SLC13A5: variants seen among roughly 807,000 people sequenced by gnomAD.
SLC13A5 encodes the protein Na(+)/citrate cotransporter.
Under a neutral mutation model 56.5 loss-of-function variants are expected in SLC13A5, and 25 were observed. That is an observed-to-expected ratio of 0.44 (90% CI 0.32 to 0.62). The LOEUF is 0.62. Among genes scored for constraint, SLC13A5 ranks in the 20% least tolerant of loss-of-function variants. SLC13A5 has a pLI of 0.04. For synonymous variants in SLC13A5, 307 were observed against 301.5 expected (o/e 1.02, Z -0.19); for missense variants, 649 against 737.8 (o/e 0.88, Z 1.39).
At chr17:6,689,517 G>A (rs553001856) in intron 10 of SLC13A5, 2 of 152,374 alleles carry the variant, frequency 1.3e-5, no homozygotes, top group Non-Finnish European at 2.9e-5. Flanking sequence ...AACCCTCGGT[G>A]CTCCCAGTTA....
intron 1 of SLC13A5, among the ~76,000 whole-genome samples, chr17:6,707,426 C>T (rs1973901364): frequency 6.6e-6 from 1 of 152,014 alleles, no homozygotes; most frequent in Non-Finnish European, 1.5e-5. Context: ...GTTCTTTCAT[C>T]TTCTCAAACC....
chr17:6,690,976 C>T, intron 9 of SLC13A5, 36 bp from the exon 10 acceptor site: 1 of 1,569,200 alleles, frequency 6.4e-7, no homozygotes, highest in African/African-American at 1.3e-5. Flanking sequence ...TCTCAGCGCT[C>T]CCAGCTTGCA....
At chr17:6,691,622 G>A (rs1216529611) in intron 9 of SLC13A5, among the ~76,000 whole-genome samples, 1 of 152,186 alleles carries the variant, frequency 6.6e-6, no homozygotes. Context: ...GTCTGAGTCC[G>A]AAGTAAAGCT....
intron 9 of SLC13A5, 115 bp from the exon 10 acceptor site, chr17:6,691,055 G>GC: frequency 8.8e-7 from 1 of 1,140,996 alleles, no homozygotes; most frequent in South Asian, 1.6e-5. Flanking sequence ...CACCTCATAG[G>GC]TGACCTCATC....
At chr17:6,706,259 A>G (rs1221149773) in intron 3 of SLC13A5, among the ~76,000 whole-genome samples, 1 of 152,224 alleles carries the variant, frequency 6.6e-6, no homozygotes, top group African/African-American at 2.4e-5. Context: ...CTGCTTCCCC[A>G]TGAGCTGGGT....
At chr17:6,708,406 CG>C (rs1391240117) in intron 1 of SLC13A5, among the ~76,000 whole-genome samples, 1 of 152,208 alleles carries the variant, frequency 6.6e-6, no homozygotes, top group African/African-American at 2.4e-5. Flanking sequence ...ACAACCAGTG[CG>C]TGACTCGAAA....
chr17:6,686,361 A>C (rs1251323624), intron 11 of SLC13A5, 23 bp from the exon 12 acceptor site: 30 of 1,613,622 alleles, frequency 1.9e-5, no homozygotes, highest in Non-Finnish European at 2.5e-5. Context: ...CAGAGTCAGC[A>C]CCCTGAGGCC....
rs1973878687 is a variant in SLC13A5, at chr17:6,706,784, G to A, written c.232-6C>T. 1.2e-6 allele frequency: 2 copies of A among 1,613,952 alleles called. No homozygotes were observed. Among genetic ancestry groups the A allele is most frequent in the East Asian group, 4.5e-5 (2 of 44,874 alleles). Reference sequence around the variant, plus strand: ...TTCATGTACTGGACACACACCTGGAGCGTGGCACGAAGGCCTCATCAGGAC... The same window carrying A: ...TTCATGTACTGGACACACACCTGGAACGTGGCACGAAGGCCTCATCAGGAC... On this transcript the variant is annotated splice_region_variant and splice_polypyrimidine_tract_variant and intron_variant, in intron 2 of 11. Transcript: ENST00000433363.
At position 6,692,872 on chromosome 17, in the gene SLC13A5, G is replaced by A. The variant is rs921272931; in HGVS notation, c.1275+172C>T. ...TTACTTTCTGTCTTCCAGGCCCTGT[G>A]TGTGGTGTAGAGTTCCTAGATGACA... On this transcript the variant is annotated intron_variant, in intron 9 of 11. Transcript: ENST00000433363. The surrounding 1 kb of genome is among the most constrained non-coding windows in gnomAD (Gnocchi z 5.5). 1.3e-5 allele frequency: 8 copies of A among 612,570 alleles called. No homozygotes were observed. The highest frequency in any genetic ancestry group is 2.3e-5 in the Non-Finnish European group (8 of 341,640). 37.9% of individuals were successfully genotyped at this position (612,570 alleles called of 1,614,324 possible). A position where few individuals can be genotyped will look rare whatever the true frequency, so the allele number is the denominator to read the frequency against.
At position 6,693,090 on chromosome 17, in the gene SLC13A5, A is replaced by G. The variant is rs1480728207; in HGVS notation, c.1229T>C (p.Ile410Thr). 6.2e-7 allele frequency: 1 copy of G among 1,613,946 alleles called. No individual in the cohort carries two copies. The highest frequency in any genetic ancestry group is 1.3e-5 in the African/African-American group (1 of 74,982). The change falls in exon 9 of 12, where the codon ATC becomes ACC. Residue 410 changes from isoleucine (I) to threonine (T), a missense_variant. Ile to Thr is a moderately conservative substitution (Grantham distance 89). Coordinates refer to ENST00000433363, the MANE Select transcript of SLC13A5 (RefSeq NM_177550.5). ...KVTQEKVPWG[I>T]VLLLGGGFAL... ...AAATCCGCCCCCTAGTAGCAGCACG[A>G]TGCCCCAGGGCACTTTCTCCTGGGT... is the stretch of plus-strand genomic sequence containing the variant.
chr17:6,686,481 G>C (rs1310200204), intron 11 of SLC13A5, 143 bp from the exon 12 acceptor site: 12 of 987,320 alleles, frequency 1.2e-5, no homozygotes, highest in Non-Finnish European at 1.8e-5. Flanking sequence ...CCCCAGGACA[G>C]TGCGACTTCA....
At chr17:6,700,651 C>G (rs879518814) in intron 6 of SLC13A5, among the ~76,000 whole-genome samples, 3 of 152,098 alleles carry the variant, frequency 2.0e-5, no homozygotes, top group Admixed American at 6.5e-5. Flanking sequence ...TCAAAGTCAC[C>G]GGAAGCCAAA....
intron 3 of SLC13A5, chr17:6,705,247 C>T (rs940540703): frequency 2.0e-5 from 3 of 152,166 alleles, no homozygotes; most frequent in Non-Finnish European, 4.4e-5. Context: ...AGAACCAAGG[C>T]TTCTACATGA....
In SLC13A5 at chr17:6,713,112, C is replaced by T; in HGVS notation, c.102+120G>A. On this transcript the variant is annotated intron_variant, in intron 1 of 11. Coordinates refer to ENST00000433363, the MANE Select transcript of SLC13A5 (RefSeq NM_177550.5). The surrounding 1 kb of genome is among the most constrained non-coding windows in gnomAD (Gnocchi z 7.3). ...CCTGGAGCTCCTGAGTGCGCGCGCCCCGGGAGAGCTGTGCTCCCCGCGAAA... is the reference window on the plus strand; with the variant it reads ...CCTGGAGCTCCTGAGTGCGCGCGCCTCGGGAGAGCTGTGCTCCCCGCGAAA... 2.0e-6 allele frequency: 2 copies of T among 1,007,932 alleles called. No individual in the cohort carries two copies. The highest frequency in any genetic ancestry group is 2.9e-6 in the Non-Finnish European group (2 of 678,234). The allele number at this position is 1,007,932 out of a possible 1,614,324, so 62.4% of individuals were successfully genotyped here.
rs1249627171 is a variant in SLC13A5, at chr17:6,692,665, C to T, written c.1275+379G>A. Among the ~76,000 whole-genome samples the T allele has an allele frequency of 1.3e-5, 2 of 152,150 alleles. No homozygotes were observed. The highest frequency in any genetic ancestry group is 2.9e-5 in the Non-Finnish European group (2 of 68,030). On this transcript the variant is annotated intron_variant, in intron 9 of 11. Coordinates refer to ENST00000433363, the MANE Select transcript of SLC13A5 (RefSeq NM_177550.5). This position sits in a 1 kb window ranked among gnomAD's most constrained non-coding sequence, Gnocchi z 5.5. Reference sequence around the variant, plus strand: ...TTGAAGTAGCTACCATGTTAAGTAGCCAGTAGAAGGACCAAAAGTAGTAGC... The same window carrying T: ...TTGAAGTAGCTACCATGTTAAGTAGTCAGTAGAAGGACCAAAAGTAGTAGC...
At chr17:6,700,929 T>C in intron 6 of SLC13A5, 75 bp downstream of exon 6, 10 of 1,597,452 alleles carry the variant, frequency 6.3e-6, no homozygotes, top group Non-Finnish European at 8.5e-6. Context: ...TAAACCTGCC[T>C]ATTGAGTCTG....
chr17:6,693,961 G>C (rs1973486344), intron 8 of SLC13A5, 136 bp downstream of exon 8: 1 of 453,288 alleles, frequency 2.2e-6, no homozygotes, highest in East Asian at 3.5e-5. Flanking sequence ...GAAAGCCACT[G>C]TTTCCCAGGC....
rs1973252376 is a variant in SLC13A5, at chr17:6,686,347, G to C, written c.1576-9C>G. 1 of 1,613,890 alleles carries C rather than the reference G, an allele frequency of 6.2e-7. No homozygotes were observed. Among genetic ancestry groups the C allele is most frequent in the Non-Finnish European group, 8.5e-7 (1 of 1,179,950 alleles). The stretch of plus-strand genomic sequence containing the variant: ...ATGACTCCTGTTTTCACCTGGAAAA[G>C]AGACAGAGTCAGCACCCTGAGGCCT... On this transcript the variant is annotated splice_polypyrimidine_tract_variant and intron_variant, in intron 11 of 11. Coordinates refer to ENST00000433363, the MANE Select transcript of SLC13A5 (RefSeq NM_177550.5).
At position 6,702,994 on chromosome 17, in the gene SLC13A5, A is replaced by G. The variant is rs202177854; in HGVS notation, c.692T>C (p.Val231Ala). The stretch of plus-strand genomic sequence containing the variant: ...CTCGTTCATCTGGCCCAGGAGCACC[A>G]CGTTGGGTCCCGTCCCGGTCAGGGT... ...TATLTGTGPN[V>A]VLLGQMNELF... Residue 231 changes from valine (V) to alanine (A), a missense_variant, in exon 5 of 12, where the codon GTG (valine) becomes GCG (alanine). By Grantham distance (64) the Val-to-Ala change is moderately conservative. Transcript: ENST00000433363. 1.2e-6 allele frequency: 2 copies of G among 1,614,194 alleles called. No individual in the cohort carries two copies. The highest frequency in any genetic ancestry group is 2.2e-5 in the East Asian group (1 of 44,888).
Sources: allele counts gnomAD v4.1 joint callset (sites outside exome capture counted in the v4.1 genomes callset), GRCh38; gene constraint gnomAD v4.1.1; non-coding constraint Gnocchi (gnomAD v3.1); transcripts MANE v1.5; gene names NCBI Gene and HGNC (gene_info 2026-07-23, HGNC 2026-07-21).